Variants in ADAM23 observed in about 807,000 individuals in gnomAD.
ADAM23 encodes the protein ADAM metallopeptidase domain 23, also known as disintegrin and metalloproteinase domain-containing protein 23.
A neutral mutation model predicts 120.1 loss-of-function variants in ADAM23; 33 were observed. The observed-to-expected ratio is 0.27, with a 90% confidence interval of 0.21 to 0.37. The LOEUF (loss-of-function observed/expected upper bound fraction) is 0.37, where lower values mean the gene tolerates loss of function less well. ADAM23 is among the 10% of genes least tolerant of loss of function. The pLI is 1.00. For missense variants in ADAM23, 862 were observed against 1,058.2 expected (o/e 0.81, Z 2.57); for synonymous variants, 367 against 375.2 (o/e 0.98, Z 0.25).
chr2:206,519,414 C>G (rs1161171124), intron 3 of ADAM23, among the ~76,000 whole-genome samples: 1 of 152,036 alleles, frequency 6.6e-6, no homozygotes, highest in Admixed American at 6.6e-5. Flanking sequence ...TTTAGGTAAG[C>G]AAAGCACAAT....
chr2:206,546,577 A>T (rs1041168332), intron 6 of ADAM23, among the ~76,000 whole-genome samples: 1 of 152,146 alleles, frequency 6.6e-6, no homozygotes, highest in African/African-American at 2.4e-5. Flanking sequence ...GTAATTTTCC[A>T]TTATCCTGTC....
intron 3 of ADAM23, among the ~76,000 whole-genome samples, chr2:206,519,206 T>A (rs1341074936): frequency 6.6e-6 from 1 of 152,152 alleles, no homozygotes; most frequent in Non-Finnish European, 1.5e-5. Flanking sequence ...AAGGGCCGGT[T>A]AGCACGCTCA....
At chr2:206,499,499 G>T (rs546303883) in intron 3 of ADAM23, among the ~76,000 whole-genome samples, 1 of 129,906 alleles carries the variant, frequency 7.7e-6, no homozygotes, top group Non-Finnish European at 1.6e-5. Flanking sequence ...GTTGTGGGGT[G>T]GGGGGAGGGG....
At chr2:206,498,289 G>A (rs1696303300) in intron 3 of ADAM23, among the ~76,000 whole-genome samples, 2 of 152,118 alleles carry the variant, frequency 1.3e-5, no homozygotes, top group South Asian at 4.1e-4. Context: ...CATGTTACTG[G>A]TACCAAAACA....
At chr2:206,469,957 CTCTT>C (rs1451011824) in intron 2 of ADAM23, among the ~76,000 whole-genome samples, 1 of 152,176 alleles carries the variant, frequency 6.6e-6, no homozygotes, top group South Asian at 2.1e-4. Context: ...AAACTATCAC[CTCTT>C]TCTTCTAAAA....
chr2:206,552,478 A>G (rs1179475046), intron 9 of ADAM23, among the ~76,000 whole-genome samples: 2 of 152,134 alleles, frequency 1.3e-5, no homozygotes, highest in African/African-American at 4.8e-5. Flanking sequence ...TCAATGGTAA[A>G]CATTTAAATA....
chr2:206,542,238 G>T lies in ADAM23; in HGVS notation c.656+104G>T, dbSNP rs113556243. 7.8e-4 allele frequency: 874 copies of T among 1,123,136 alleles called. 8 individuals carry two copies. In the African/African-American group the frequency reaches 0.011, roughly 14 times the overall value. 69.6% of individuals were successfully genotyped at this position (1,123,136 alleles called of 1,614,324 possible). A position where few individuals can be genotyped will look rare whatever the true frequency, so the allele number is the denominator to read the frequency against. On this transcript the variant is annotated intron_variant, in intron 5 of 25. Transcript: ENST00000264377. Reference sequence around the variant, plus strand: ...TCTTCCGTGCCAGTGCTGTGTTAGGGACTGCATGTGGAGTGGTGCACAAGG... The same window carrying T: ...TCTTCCGTGCCAGTGCTGTGTTAGGTACTGCATGTGGAGTGGTGCACAAGG...
rs35695808 is a variant in ADAM23 at position 206,558,919 on chromosome 2, GTT to G, written c.1006-1032_1006-1031del. Among the ~76,000 whole-genome samples, 615 of 145,812 alleles carry G rather than the reference GTT, an allele frequency of 4.2e-3. 5 individuals are homozygous for G. Among genetic ancestry groups the G allele is most frequent in the African/African-American group, 0.015 (593 of 40,892 alleles). On this transcript the variant is annotated intron_variant, in intron 10 of 25. Coordinates refer to ENST00000264377, the MANE Select transcript of ADAM23 (RefSeq NM_003812.4). ...CAGTGTGTTCAAAGATCATCCATTG[GTT>G]TTTGTTTGTTTGTTTGTTTGTTTGT...
At chr2:206,519,453 C>G (rs1358765537) in intron 3 of ADAM23, among the ~76,000 whole-genome samples, 1 of 151,998 alleles carries the variant, frequency 6.6e-6, no homozygotes, top group Non-Finnish European at 1.5e-5. Flanking sequence ...AATCGAAGTC[C>G]CAGTGAACAA....
intron 18 of ADAM23, among the ~76,000 whole-genome samples, chr2:206,583,255 C>T (rs1402363600): frequency 1.3e-5 from 2 of 152,144 alleles, no homozygotes; most frequent in Non-Finnish European, 2.9e-5. Flanking sequence ...GAGATCGAGA[C>T]CATCCTGGCT....
At chr2:206,554,894 A>T (rs763637701) in intron 9 of ADAM23, among the ~76,000 whole-genome samples, 34 of 152,138 alleles carry the variant, frequency 2.2e-4, no homozygotes, top group Non-Finnish European at 3.8e-4. Context: ...GCAATATTGG[A>T]CACAGTTGAT....
intron 6 of ADAM23, among the ~76,000 whole-genome samples, chr2:206,543,617 C>G (rs535480053): frequency 2.2e-4 from 33 of 152,216 alleles, no homozygotes; most frequent in Non-Finnish European, 2.8e-4. Context: ...TTACTTTAAA[C>G]TAGCTTTCAT....
At chr2:206,477,897 A>AAAAAAAAATATATATATATAT (rs374524658) in intron 2 of ADAM23, among the ~76,000 whole-genome samples, 2 of 93,604 alleles carry the variant, frequency 2.1e-5, no homozygotes, top group Admixed American at 1.3e-4. Flanking sequence ...AAAAAAAAAA[A>AAAAAAAAATATATATATATAT]ATATATATAT....
At position 206,548,327 on chromosome 2, in the gene ADAM23, G is replaced by T; in HGVS notation, c.840G>T (p.Trp280Cys). Reference sequence around the variant, plus strand: ...GGCCCTTTCTCTCTGAATTACAGTGGTTGAAAAGAAGGAAGAGAGCAGTGA... The same window carrying T: ...GGCCCTTTCTCTCTGAATTACAGTGTTTGAAAAGAAGGAAGAGAGCAGTGA... ...DQWPFLSELQ[W>C]LKRRKRAVNP... Residue 280 changes from tryptophan (W) to cysteine (C), a missense_variant, in exon 8 of 26, where the codon TGG becomes TGT. Around this residue, in one of 4 missense-constraint regions of ADAM23, gnomAD observed 617 missense variants for 813.5 expected, o/e 0.76. Transcript: ENST00000264377. 1 of 1,611,218 alleles carries T rather than the reference G, an allele frequency of 6.2e-7. No individual in the cohort carries two copies. The highest frequency in any genetic ancestry group is 1.7e-5 in the Admixed American group (1 of 60,008).
chr2:206,530,306 A>G (rs1029793080), intron 3 of ADAM23, among the ~76,000 whole-genome samples: 1 of 152,218 alleles, frequency 6.6e-6, no homozygotes, highest in Non-Finnish European at 1.5e-5. Context: ...TGGAGCCCGC[A>G]TGGCCCACAA....
chr2:206,456,755 C>T (rs552456234), intron 2 of ADAM23, among the ~76,000 whole-genome samples: 3 of 152,060 alleles, frequency 2.0e-5, no homozygotes, highest in African/African-American at 7.2e-5. Context: ...TTCTTTTTGC[C>T]CTCAGTGGGG....
chr2:206,443,902 C>A lies in ADAM23; in HGVS notation c.36C>A (p.Pro12=). 8.4e-7 allele frequency: 1 copy of A among 1,191,042 alleles called. No individual in the cohort carries two copies. The highest frequency in any genetic ancestry group is 1.0e-6 in the Non-Finnish European group (1 of 964,730). The allele number at this position is 1,191,042 out of a possible 1,614,324, so 73.8% of individuals were successfully genotyped here. ...KPPGSSSRQP[P]LAGCSLAGAS... ...CCGGCAGCAGCTCGCGGCAGCCGCC[C>A]CTGGCGGGCTGCAGCCTTGCCGGCG... Residue 12 remains proline (P), a synonymous_variant, in exon 1 of 26, where the codon CCC becomes CCA. Transcript: ENST00000264377.
intron 21 of ADAM23, among the ~76,000 whole-genome samples, chr2:206,591,262 C>G (rs895694507): frequency 6.6e-6 from 1 of 152,104 alleles, no homozygotes; most frequent in Non-Finnish European, 1.5e-5. Flanking sequence ...TCCCATGTCA[C>G]TCCTACATGG....
At chr2:206,497,980 A>G (rs1696293987) in intron 3 of ADAM23, among the ~76,000 whole-genome samples, 1 of 152,158 alleles carries the variant, frequency 6.6e-6, no homozygotes, top group African/African-American at 2.4e-5. Flanking sequence ...ACTACAATCC[A>G]CTGCTCAATG....
Sources: allele counts gnomAD v4.1 joint callset (sites outside exome capture counted in the v4.1 genomes callset), GRCh38; gene constraint gnomAD v4.1.1; regional missense constraint gnomAD v4.1.1; transcripts MANE v1.5; gene names NCBI Gene and HGNC (gene_info 2026-07-23, HGNC 2026-07-21).